Variants in MGAT4C observed in about 807,000 individuals in gnomAD.
MGAT4C encodes the protein MGAT4 family member C.
Under a neutral mutation model 40.1 loss-of-function variants are expected in MGAT4C, and 19 were observed. The observed-to-expected ratio is 0.47, with a 90% CI of 0.33 to 0.70. The LOEUF (loss-of-function observed/expected upper bound fraction) is 0.70. Ranked by LOEUF, MGAT4C falls within the 30% of genes least tolerant of loss-of-function variation. The pLI is 0.02. For missense variants in MGAT4C, 491 were observed against 563.2 expected, an observed-to-expected ratio of 0.87 and a Z score of 1.30; for synonymous variants, 181 against 187.1, an observed-to-expected ratio of 0.97 and a Z score of 0.27.
At chr12:86,160,954 C>T (rs1165847971) in intron 1 of MGAT4C, among the ~76,000 whole-genome samples, 1 of 151,928 alleles carries the variant, frequency 6.6e-6, no homozygotes, top group East Asian at 1.9e-4. Context: ...AACTTTTAGC[C>T]TGTGGGTGTC....
intron 2 of MGAT4C, among the ~76,000 whole-genome samples, chr12:86,726,727 A>T (rs1008717158): frequency 6.6e-6 from 1 of 152,156 alleles, no homozygotes; most frequent in Non-Finnish European, 1.5e-5. Context: ...TATTAAAAAA[A>T]GTGTGGTAGT....
At chr12:86,581,420 T>C (rs145985015) in intron 2 of MGAT4C, among the ~76,000 whole-genome samples, 259 of 151,566 alleles carry the variant, frequency 1.7e-3, no homozygotes, top group African/African-American at 5.9e-3. Flanking sequence ...TGTAAGCATT[T>C]GCATTCCCAT....
At chr12:86,376,422 T>C (rs1955822850) in intron 3 of MGAT4C, among the ~76,000 whole-genome samples, 1 of 151,958 alleles carries the variant, frequency 6.6e-6, no homozygotes, top group South Asian at 2.1e-4. Flanking sequence ...ACAAAAAGAT[T>C]ATTGTGTATA....
chr12:86,585,090 T>C (rs1307869837), intron 2 of MGAT4C, among the ~76,000 whole-genome samples: 2 of 151,410 alleles, frequency 1.3e-5, no homozygotes, highest in African/African-American at 4.8e-5. Flanking sequence ...TTATCACTTC[T>C]TTAAAAACTA....
At chr12:86,597,962 T>C (rs1961605313) in intron 2 of MGAT4C, among the ~76,000 whole-genome samples, 1 of 152,170 alleles carries the variant, frequency 6.6e-6, no homozygotes, top group Non-Finnish European at 1.5e-5. Flanking sequence ...CCTATAACAC[T>C]GACTCACCTA....
intron 2 of MGAT4C, among the ~76,000 whole-genome samples, chr12:86,445,830 G>A (rs1957324305): frequency 6.6e-6 from 1 of 152,026 alleles, no homozygotes; most frequent in African/African-American, 2.4e-5. Flanking sequence ...CTGCAAAAAT[G>A]GTTACATTTT....
intron 1 of MGAT4C, among the ~76,000 whole-genome samples, chr12:86,738,603 T>C (rs1343863037): frequency 2.0e-5 from 3 of 151,346 alleles, no homozygotes; most frequent in Non-Finnish European, 4.4e-5. Context: ...CAGTTTACAT[T>C]CATCCAACTC....
intron 3 of MGAT4C, among the ~76,000 whole-genome samples, chr12:86,399,323 C>T (rs998862300): frequency 2.6e-5 from 4 of 151,284 alleles, no homozygotes; most frequent in Non-Finnish European, 5.9e-5. Context: ...TGCTCTATCA[C>T]CCAGGCTGGA....
intron 2 of MGAT4C, among the ~76,000 whole-genome samples, chr12:86,716,219 A>G (rs1353237587): frequency 6.6e-6 from 1 of 152,128 alleles, no homozygotes; most frequent in African/African-American, 2.4e-5. Context: ...AACAGGACAA[A>G]CTATTAATTT....
At chr12:86,389,684 AG>A (rs1459000666) in intron 3 of MGAT4C, among the ~76,000 whole-genome samples, 1 of 152,196 alleles carries the variant, frequency 6.6e-6, no homozygotes, top group Non-Finnish European at 1.5e-5. Flanking sequence ...GTAAATTATA[AG>A]GTGAATCTCA....
chr12:86,006,704 A>C (rs1887919745), intron 2 of MGAT4C, among the ~76,000 whole-genome samples: 1 of 152,032 alleles, frequency 6.6e-6, no homozygotes, highest in Non-Finnish European at 1.5e-5. Context: ...CATCTGATCA[A>C]ATTTTTCATC....
At chr12:86,017,592 T>G (rs1205938209) in intron 2 of MGAT4C, among the ~76,000 whole-genome samples, 1 of 152,184 alleles carries the variant, frequency 6.6e-6, no homozygotes, top group Non-Finnish European at 1.5e-5. Context: ...ATTGACACTA[T>G]GTACAGTTAG....
chr12:86,362,078 A>G (rs1401756220), intron 3 of MGAT4C, among the ~76,000 whole-genome samples: 1 of 152,232 alleles, frequency 6.6e-6, no homozygotes, highest in Non-Finnish European at 1.5e-5. Flanking sequence ...AAAGACTTGG[A>G]ACCAACCCAA....
chr12:86,669,374 T>C (rs1964195455), intron 2 of MGAT4C, among the ~76,000 whole-genome samples: 1 of 152,174 alleles, frequency 6.6e-6, no homozygotes, highest in African/African-American at 2.4e-5. Flanking sequence ...TCAGAGCACC[T>C]GTTTGCCTCG....
intron 4 of MGAT4C, 115 bp from the exon 5 acceptor site, chr12:85,980,545 G>A: frequency 1.0e-5 from 9 of 898,552 alleles, no homozygotes; most frequent in Non-Finnish European, 1.5e-5. Context: ...AGTAAATCTA[G>A]TAAATGACTA....
chr12:86,713,786 A>G (rs1950598926), intron 2 of MGAT4C, among the ~76,000 whole-genome samples: 1 of 152,096 alleles, frequency 6.6e-6, no homozygotes, highest in Non-Finnish European at 1.5e-5. Context: ...TAACTTTTCC[A>G]AAGTCCCATA....
At chr12:86,716,549 C>T (rs1300800916) in intron 2 of MGAT4C, among the ~76,000 whole-genome samples, 2 of 152,056 alleles carry the variant, frequency 1.3e-5, no homozygotes, top group East Asian at 3.9e-4. Flanking sequence ...CTCTTCAATT[C>T]CTTTCCCTTC....
chr12:86,713,875 A>G (rs915390896), intron 2 of MGAT4C, among the ~76,000 whole-genome samples: 11 of 151,196 alleles, frequency 7.3e-5, no homozygotes, highest in African/African-American at 2.0e-4. Context: ...TATGTAATTC[A>G]GAGCCCCCTT....
chr12:86,059,676 A>G (rs1893745175), intron 1 of MGAT4C, among the ~76,000 whole-genome samples: 1 of 152,220 alleles, frequency 6.6e-6, no homozygotes, highest in African/African-American at 2.4e-5. Flanking sequence ...AGGTTGTAGT[A>G]GGCAGATCTT....
Sources: allele counts gnomAD v4.1 joint callset (sites outside exome capture counted in the v4.1 genomes callset), GRCh38; gene constraint gnomAD v4.1.1; transcripts MANE v1.5; gene names NCBI Gene and HGNC (gene_info 2026-07-23, HGNC 2026-07-21).